Variants in HPGDS observed in about 807,000 individuals in gnomAD.
HPGDS encodes GST class-sigma.
A neutral mutation model predicts 23.1 loss-of-function variants in HPGDS; 26 were observed. The observed-to-expected ratio is 1.13, with a 90% confidence interval of 0.83 to 1.56. The LOEUF (loss-of-function observed/expected upper bound fraction) is 1.56, where lower values mean the gene tolerates loss of function less well. Among genes scored for constraint, HPGDS ranks in the 40% most tolerant of loss-of-function variants. HPGDS has a pLI of 0.00. For missense variants in HPGDS, 268 were observed against 236.4 expected (o/e 1.13, Z -0.88); for synonymous variants, 95 against 77.9 (o/e 1.22, Z -1.16).
At chr4:94,327,782 A>C (rs1756662581) in intron 2 of HPGDS, among the ~76,000 whole-genome samples, 1 of 152,196 alleles carries the variant, frequency 6.6e-6, no homozygotes, top group Non-Finnish European at 1.5e-5. Context: ...CTAGGCACCC[A>C]GCCACAACAC....
At chr4:94,321,135 T>C (rs1286352444) in intron 2 of HPGDS, among the ~76,000 whole-genome samples, 1 of 152,232 alleles carries the variant, frequency 6.6e-6, no homozygotes, top group Admixed American at 6.5e-5. Flanking sequence ...TCTGTTTTGG[T>C]ACCAGTACCA....
At chr4:94,319,773 G>A (rs1350026046) in intron 2 of HPGDS, among the ~76,000 whole-genome samples, 1 of 151,806 alleles carries the variant, frequency 6.6e-6, no homozygotes, top group Non-Finnish European at 1.5e-5. Context: ...CCTCATTTTT[G>A]TATTATACTT....
At chr4:94,309,081 A>G (rs1217212618) in intron 3 of HPGDS, among the ~76,000 whole-genome samples, 2 of 78,882 alleles carry the variant, frequency 2.5e-5, no homozygotes. Flanking sequence ...TTTTTTGGCT[A>G]CATAGGGATT....
At chr4:94,300,157 T>A (rs1035447983) in intron 5 of HPGDS, among the ~76,000 whole-genome samples, 56 of 152,248 alleles carry the variant, frequency 3.7e-4, no homozygotes, top group Non-Finnish European at 1.2e-4. Flanking sequence ...AGGACCTTTG[T>A]ATTTCATCTT....
chr4:94,318,247 T>C (rs1756434824), intron 2 of HPGDS, among the ~76,000 whole-genome samples: 1 of 152,180 alleles, frequency 6.6e-6, no homozygotes, highest in Non-Finnish European at 1.5e-5. Context: ...ATGCTTACTG[T>C]TAAAAAAAAT....
chr4:94,331,349 C>T (rs75804390), intron 2 of HPGDS, among the ~76,000 whole-genome samples: 4 of 151,998 alleles, frequency 2.6e-5, no homozygotes, highest in South Asian at 2.1e-4. Context: ...ATTTTTTTCT[C>T]GCTAAATCAT....
intron 4 of HPGDS, among the ~76,000 whole-genome samples, chr4:94,302,586 CCT>C (rs1756064459): frequency 6.6e-6 from 1 of 151,902 alleles, no homozygotes; most frequent in Non-Finnish European, 1.5e-5. Context: ...CTAAAATTTC[CCT>C]CTTTCTTAAC....
intron 2 of HPGDS, among the ~76,000 whole-genome samples, chr4:94,318,970 C>T (rs1372891613): frequency 6.6e-6 from 1 of 152,184 alleles, no homozygotes; most frequent in Non-Finnish European, 1.5e-5. Context: ...ACCTCAGCCT[C>T]CCAAAGTGCT....
At chr4:94,336,245 A>G (rs967534516) in intron 1 of HPGDS, among the ~76,000 whole-genome samples, 20 of 151,970 alleles carry the variant, frequency 1.3e-4, no homozygotes, top group African/African-American at 4.6e-4. Context: ...CACACCACAT[A>G]AAAGGTTAAA....
chr4:94,320,592 C>T (rs1344506897), intron 2 of HPGDS, among the ~76,000 whole-genome samples: 4 of 152,116 alleles, frequency 2.6e-5, no homozygotes, highest in African/African-American at 9.7e-5. Flanking sequence ...ATCCTTCGCC[C>T]ACTTTTTGAT....
chr4:94,298,700 A>G lies in HPGDS; in HGVS notation c.*780T>C, dbSNP rs569634345. The G allele has an allele frequency of 6.6e-6, 1 of 152,192 alleles. No individual in the cohort carries two copies. Among genetic ancestry groups the G allele is most frequent in the South Asian group, 2.1e-4 (1 of 4,808 alleles). 9.4% of individuals were successfully genotyped at this position (152,192 alleles called of 1,614,324 possible). ...TCTCTGGGGTATCTACATTTTTCTC[A>G]TCACAACAACTTTATTCATGTCAGT... is the stretch of plus-strand genomic sequence containing the variant. On this transcript the variant is annotated 3_prime_UTR_variant, in exon 6 of 6. Coordinates refer to ENST00000295256, the MANE Select transcript of HPGDS (RefSeq NM_014485.3).
intron 2 of HPGDS, among the ~76,000 whole-genome samples, chr4:94,324,398 T>A (rs990191621): frequency 1.3e-5 from 2 of 152,202 alleles, no homozygotes; most frequent in Admixed American, 6.5e-5. Context: ...GGTATACCAA[T>A]CAAATGTAGA....
chr4:94,304,288 C>T (rs961961855), intron 4 of HPGDS, among the ~76,000 whole-genome samples: 1 of 152,120 alleles, frequency 6.6e-6, no homozygotes, highest in Non-Finnish European at 1.5e-5. Context: ...TCTCATTCTT[C>T]TTCCCCATCC....
intron 3 of HPGDS, 46 bp downstream of exon 3, chr4:94,317,827 T>C: frequency 9.7e-7 from 1 of 1,027,198 alleles, no homozygotes; most frequent in Middle Eastern, 2.1e-4. Context: ...ATATATCATG[T>C]ATTTGTTTCA....
At chr4:94,317,044 A>G (rs1234090313) in intron 3 of HPGDS, among the ~76,000 whole-genome samples, 3 of 152,240 alleles carry the variant, frequency 2.0e-5, no homozygotes, top group Non-Finnish European at 4.4e-5. Context: ...TTGTATTTTT[A>G]AAATACACTA....
intron 3 of HPGDS, among the ~76,000 whole-genome samples, chr4:94,310,587 C>A (rs1239740239): frequency 1.3e-5 from 2 of 152,120 alleles, no homozygotes; most frequent in Admixed American, 6.5e-5. Context: ...CAGCCTTGTT[C>A]TTTTTGCTTA....
intron 1 of HPGDS, among the ~76,000 whole-genome samples, chr4:94,338,288 G>T (rs555834510): frequency 3.0e-4 from 45 of 152,214 alleles, no homozygotes; most frequent in African/African-American, 8.2e-4. Flanking sequence ...AGCTGGATGT[G>T]GTGGTGTGAG....
chr4:94,321,407 C>G (rs1019511789), intron 2 of HPGDS, among the ~76,000 whole-genome samples: 5 of 152,114 alleles, frequency 3.3e-5, no homozygotes, highest in Non-Finnish European at 7.4e-5. Context: ...ATGGAATGTT[C>G]TTCCATTTGT....
At chr4:94,315,806 A>G (rs940452655) in intron 3 of HPGDS, among the ~76,000 whole-genome samples, 8 of 152,234 alleles carry the variant, frequency 5.3e-5, no homozygotes, top group Non-Finnish European at 1.0e-4. Flanking sequence ...GACCTTGAAT[A>G]GTCTTCAGAA....
Sources: allele counts gnomAD v4.1 joint callset (sites outside exome capture counted in the v4.1 genomes callset), GRCh38; gene constraint gnomAD v4.1.1; transcripts MANE v1.5; gene names NCBI Gene and HGNC (gene_info 2026-07-23, HGNC 2026-07-21).